Variants in GRID1 observed in about 807,000 individuals in gnomAD.
The protein encoded by GRID1 is glutamate receptor ionotropic, delta-1.
GRID1 carries 28 observed loss-of-function variants against 98.0 expected under a neutral mutation model. That is an observed-to-expected ratio of 0.29 (90% CI 0.21 to 0.39). The LOEUF (loss-of-function observed/expected upper bound fraction) is 0.39, where lower values mean the gene tolerates loss of function less well. Among genes scored for constraint, GRID1 ranks in the 10% least tolerant of loss-of-function variants. The pLI, the probability that GRID1 is intolerant of heterozygous loss-of-function variation, is 1.00. For synonymous variants in GRID1, 553 were observed against 538.5 expected, an observed-to-expected ratio of 1.03 and a Z score of -0.37; for missense variants, 1,111 against 1,340.5, an observed-to-expected ratio of 0.83 and a Z score of 2.67.
At chr10:86,269,838 G>A (rs1281975662) in intron 2 of GRID1, among the ~76,000 whole-genome samples, 7 of 152,082 alleles carry the variant, frequency 4.6e-5, no homozygotes, top group South Asian at 2.1e-4. Flanking sequence ...TCGCCTAGGT[G>A]TACTCCATGG....
intron 4 of GRID1, among the ~76,000 whole-genome samples, chr10:86,072,397 T>C (rs1376941804): frequency 6.6e-6 from 1 of 152,194 alleles, no homozygotes; most frequent in Non-Finnish European, 1.5e-5. Context: ...TGTCCAGCCA[T>C]TTTTCGGGCC....
At chr10:85,983,845 G>A (rs926303507) in intron 4 of GRID1, among the ~76,000 whole-genome samples, 27 of 152,122 alleles carry the variant, frequency 1.8e-4, no homozygotes, top group African/African-American at 6.3e-4. Flanking sequence ...CTCACCATGG[G>A]GTCATGAGCT....
intron 4 of GRID1, among the ~76,000 whole-genome samples, chr10:85,938,055 GC>G (rs1171008550): frequency 2.0e-5 from 3 of 152,104 alleles, no homozygotes; most frequent in African/African-American, 7.2e-5. Flanking sequence ...AATTTGACAA[GC>G]CTTTGAGCTT....
At chr10:85,725,637 A>G (rs144676309) in intron 10 of GRID1, among the ~76,000 whole-genome samples, 3 of 152,300 alleles carry the variant, frequency 2.0e-5, no homozygotes, top group African/African-American at 7.2e-5. Flanking sequence ...CTTGACCCTC[A>G]AAGTGGGAGG....
At chr10:85,909,897 T>G (rs1209126877) in intron 5 of GRID1, among the ~76,000 whole-genome samples, 9 of 152,218 alleles carry the variant, frequency 5.9e-5, no homozygotes, top group African/African-American at 2.2e-4. Flanking sequence ...AAGTATTGTA[T>G]GTATTGCATG....
At chr10:85,650,006 C>G (rs760556427) in intron 12 of GRID1, 1 of 152,268 alleles carries the variant, frequency 6.6e-6, no homozygotes, top group Non-Finnish European at 1.5e-5. Context: ...ATGCCCAGCA[C>G]AGGGGGCACT....
intron 4 of GRID1, among the ~76,000 whole-genome samples, chr10:86,001,504 C>T (rs191659404): frequency 7.0e-4 from 106 of 152,332 alleles, no homozygotes; most frequent in Admixed American, 2.2e-3. Flanking sequence ...TGTTTAGCCA[C>T]TTTCCCTGAG....
intron 12 of GRID1, among the ~76,000 whole-genome samples, chr10:85,690,898 T>A (rs980967274): frequency 3.3e-5 from 5 of 151,878 alleles, no homozygotes; most frequent in Non-Finnish European, 7.4e-5. Flanking sequence ...CACACATTGT[T>A]CCAGAGTCTT....
At chr10:85,870,884 A>C (rs940708500) in intron 5 of GRID1, among the ~76,000 whole-genome samples, 2 of 152,192 alleles carry the variant, frequency 1.3e-5, no homozygotes, top group African/African-American at 4.8e-5. Flanking sequence ...TAAGGGAGAC[A>C]AGGAGCTCTT....
chr10:86,134,837 C>T (rs1436367952), intron 4 of GRID1, among the ~76,000 whole-genome samples: 2 of 152,220 alleles, frequency 1.3e-5, no homozygotes, highest in Non-Finnish European at 2.9e-5. Flanking sequence ...GGCCAGAGGA[C>T]ATCACTCTGT....
intron 3 of GRID1, among the ~76,000 whole-genome samples, chr10:86,159,547 T>G (rs61857801): frequency 0.084 from 12,787 of 152,286 alleles, 602 homozygotes; most frequent in Middle Eastern, 0.18. Flanking sequence ...CCTCTAGGTC[T>G]GTGTAAGTAC....
chr10:86,012,176 A>T (rs1442070651), intron 4 of GRID1, among the ~76,000 whole-genome samples: 1 of 152,118 alleles, frequency 6.6e-6, no homozygotes, highest in African/African-American at 2.4e-5. Flanking sequence ...ACCTATAACC[A>T]CATTCCCAAA....
At chr10:86,056,957 G>A (rs1843582372) in intron 4 of GRID1, among the ~76,000 whole-genome samples, 1 of 152,216 alleles carries the variant, frequency 6.6e-6, no homozygotes, top group Non-Finnish European at 1.5e-5. Context: ...CTGGCGAACT[G>A]CCCCTTGCCT....
intron 3 of GRID1, among the ~76,000 whole-genome samples, chr10:86,204,227 C>T (rs1276038260): frequency 6.6e-6 from 1 of 152,176 alleles, no homozygotes; most frequent in Non-Finnish European, 1.5e-5. Flanking sequence ...CTCCCCATTC[C>T]TCCTTTGTTT....
intron 5 of GRID1, among the ~76,000 whole-genome samples, chr10:85,892,503 TCAAGG>T (rs888567681): frequency 6.6e-6 from 1 of 151,454 alleles, no homozygotes; most frequent in African/African-American, 2.4e-5. Flanking sequence ...TGAGTCCTCA[TCAAGG>T]CAAGCCTGAA....
chr10:85,971,993 G>A (rs779480943), intron 4 of GRID1, among the ~76,000 whole-genome samples: 31 of 151,976 alleles, frequency 2.0e-4, no homozygotes, highest in Non-Finnish European at 4.0e-4. Flanking sequence ...TCTTACAAAG[G>A]AATTCTACAT....
chr10:86,338,622 A>G (rs906384992), intron 2 of GRID1, among the ~76,000 whole-genome samples: 2 of 152,120 alleles, frequency 1.3e-5, no homozygotes, highest in African/African-American at 4.8e-5. Flanking sequence ...CAGTGGCGCA[A>G]TCTCGGCTCA....
intron 12 of GRID1, among the ~76,000 whole-genome samples, chr10:85,719,522 G>A (rs1273512148): frequency 6.6e-6 from 1 of 152,108 alleles, no homozygotes; most frequent in African/African-American, 2.4e-5. Flanking sequence ...ACATGGTGGT[G>A]GCAAGAGAAA....
chr10:86,208,567 T>A (rs1846066960), intron 2 of GRID1, among the ~76,000 whole-genome samples: 1 of 152,166 alleles, frequency 6.6e-6, no homozygotes, highest in Non-Finnish European at 1.5e-5. Flanking sequence ...TCAATCCTGA[T>A]GCTCACTCTT....
Sources: allele counts gnomAD v4.1 joint callset (sites outside exome capture counted in the v4.1 genomes callset), GRCh38; gene constraint gnomAD v4.1.1; transcripts MANE v1.5; gene names NCBI Gene and HGNC (gene_info 2026-07-23, HGNC 2026-07-21).